AGAP1: variants seen among roughly 807,000 people sequenced by gnomAD.
AGAP1 encodes ArfGAP with GTPase domain, ankyrin repeat and PH domain 1.
In AGAP1, 29 loss-of-function variants were observed where a neutral mutation model predicts 105.3. The observed-to-expected ratio is 0.28, with a 90% CI of 0.21 to 0.38. The LOEUF is 0.38. Among genes scored for constraint, AGAP1 ranks in the 10% least tolerant of loss-of-function variants. AGAP1 has a pLI of 1.00. For synonymous variants in AGAP1, 509 were observed against 485.9 expected, an observed-to-expected ratio of 1.05 and a Z score of -0.63; for missense variants, 998 against 1,165.1, an observed-to-expected ratio of 0.86 and a Z score of 2.09.
At chr2:235,821,103 A>G (rs1030076243) in intron 9 of AGAP1, among the ~76,000 whole-genome samples, 5 of 152,366 alleles carry the variant, frequency 3.3e-5, no homozygotes, top group African/African-American at 7.2e-5. Context: ...CCTTTAGTGT[A>G]AAACAGTGTG....
In AGAP1 at chr2:235,833,856, T is replaced by TG. The variant is rs1553644570; in HGVS notation, c.1050+26525_1050+26526insG. ...ATCTCACTCCAATCCTCCAATCTGG[T>TG]TTTTTTTTTTTTTTTTTTAAAGCTC... On this transcript the variant is annotated intron_variant, in intron 9 of 17. Coordinates refer to ENST00000304032, the MANE Select transcript of AGAP1 (RefSeq NM_001037131.3). 2.3e-3 allele frequency among the ~76,000 whole-genome samples: 108 copies of TG among 47,416 alleles called. No homozygotes were observed. In the East Asian group the frequency reaches 0.14, roughly 61 times the overall value. The allele number at this position is 47,416 out of a possible 152,430, so 31.1% of individuals were successfully genotyped here.
At chr2:235,654,854 A>G (rs989977297) in intron 1 of AGAP1, among the ~76,000 whole-genome samples, 3 of 152,222 alleles carry the variant, frequency 2.0e-5, no homozygotes, top group African/African-American at 4.8e-5. Flanking sequence ...AATATTCAAA[A>G]TAATTTCTCC....
In AGAP1 at chr2:236,123,063, TGCATATGTCATGC is replaced by T. The variant is rs2059938316; in HGVS notation, c.2371-855_2371-843del. On this transcript the variant is annotated intron_variant, in intron 17 of 17. Coordinates refer to ENST00000304032, the MANE Select transcript of AGAP1 (RefSeq NM_001037131.3). This position sits in a 1 kb window ranked among gnomAD's most constrained non-coding sequence, Gnocchi z 4.6. ...TCATGTGGTGGAATACTGTATGACTTGCATATGTCATGCTTTTTGAGGGGTGGGGAGACAGGGT... is the reference window on the plus strand; with the variant it reads ...TCATGTGGTGGAATACTGTATGACTTTTTTTGAGGGGTGGGGAGACAGGGT... Among the ~76,000 whole-genome samples the T allele has an allele frequency of 6.6e-6, 1 of 151,830 alleles. No homozygotes were observed. Among genetic ancestry groups the T allele is most frequent in the Non-Finnish European group, 1.5e-5 (1 of 67,956 alleles).
At chr2:235,771,323 C>T (rs1955427746) in intron 6 of AGAP1, among the ~76,000 whole-genome samples, 1 of 152,214 alleles carries the variant, frequency 6.6e-6, no homozygotes, top group Non-Finnish European at 1.5e-5. Context: ...CCAGGCTGCG[C>T]CATAGGTGCA....
At chr2:236,033,510 C>G (rs55877034) in intron 13 of AGAP1, among the ~76,000 whole-genome samples, 1 of 152,260 alleles carries the variant, frequency 6.6e-6, no homozygotes, top group Non-Finnish European at 1.5e-5. Flanking sequence ...CAGATAGCAG[C>G]TACTGCGTTG....
chr2:235,636,389 C>T (rs1947003447), intron 1 of AGAP1, among the ~76,000 whole-genome samples: 1 of 152,156 alleles, frequency 6.6e-6, no homozygotes, highest in East Asian at 1.9e-4. Flanking sequence ...TTTGTGGGAT[C>T]ACTGAAGTCA....
rs2059337245 is a variant in AGAP1, at chr2:236,101,157, C to G, written c.2115-19035C>G. Reference sequence around the variant, plus strand: ...TGTTTCCCTTTGGTTATTCCCCACTCCCATGCCTGTCCTCTCTTAAAATCT... The same window carrying G: ...TGTTTCCCTTTGGTTATTCCCCACTGCCATGCCTGTCCTCTCTTAAAATCT... On this transcript the variant is annotated intron_variant, in intron 16 of 17. Coordinates refer to ENST00000304032, the MANE Select transcript of AGAP1 (RefSeq NM_001037131.3). This position sits in a 1 kb window ranked among gnomAD's most constrained non-coding sequence, Gnocchi z 4.9. 6.6e-6 allele frequency among the ~76,000 whole-genome samples: 1 copy of G among 152,122 alleles called. No homozygotes were observed. The highest frequency in any genetic ancestry group is 2.1e-4 in the South Asian group (1 of 4,824).
rs1159583364 is a variant in AGAP1 at position 235,958,347 on chromosome 2, A to G, written c.1484-10115A>G. 6.6e-6 allele frequency among the ~76,000 whole-genome samples: 1 copy of G among 152,118 alleles called. No homozygotes were observed. The highest frequency in any genetic ancestry group is 1.5e-5 in the Non-Finnish European group (1 of 68,014). On this transcript the variant is annotated intron_variant, in intron 12 of 17. Coordinates refer to ENST00000304032, the MANE Select transcript of AGAP1 (RefSeq NM_001037131.3). This position sits in a 1 kb window ranked among gnomAD's most constrained non-coding sequence, Gnocchi z 4.1. The stretch of plus-strand genomic sequence containing the variant: ...AGAGGATTAGGGCCCTGCTAACGGC[A>G]GCAGTAACAGCGGGAGTCCTTGCAG...
rs1011988977 is a variant in AGAP1, at chr2:235,566,732, A to G, written c.163+71883A>G. 1 of 508,900 alleles carries G rather than the reference A, an allele frequency of 2.0e-6. No homozygotes were observed. Among genetic ancestry groups the G allele is most frequent in the Non-Finnish European group, 2.5e-6 (1 of 394,552 alleles). The allele number at this position is 508,900 out of a possible 1,614,324, so 31.5% of individuals were successfully genotyped here. A position where few individuals can be genotyped will look rare whatever the true frequency, so the allele number is the denominator to read the frequency against. ...CAGGCAGGAAGTTGTTGGGGTTAAC[A>G]TGAGTGGACCCTAGATTTCCCTGCC... On this transcript the variant is annotated intron_variant, in intron 1 of 17. Transcript: ENST00000304032. This position sits in a 1 kb window ranked among gnomAD's most constrained non-coding sequence, Gnocchi z 5.2.
Position 236,120,286 on chromosome 2 carries a change from C to T in AGAP1, c.2209C>T (p.Leu737=). The change falls in exon 17 of 18, where the codon CTG becomes TTG. Residue 737 remains leucine (L), a synonymous_variant. Coordinates refer to ENST00000304032, the MANE Select transcript of AGAP1 (RefSeq NM_001037131.3). This position sits in a 1 kb window ranked among gnomAD's most constrained non-coding sequence, Gnocchi z 6.0. ...CTELSLGQHL[L]RATADEDLRT... is the part of the protein sequence containing the mutation. ...GGAGCTGTCCCTGGGCCAGCACCTG[C>T]TGCGGGCCACCGCCGACGAGGACCT... The T allele has an allele frequency of 6.2e-7, 1 of 1,612,946 alleles. No homozygotes were observed.
chr2:235,558,929 G>A (rs531670140), intron 1 of AGAP1, among the ~76,000 whole-genome samples: 1 of 152,032 alleles, frequency 6.6e-6, no homozygotes, highest in Non-Finnish European at 1.5e-5. Flanking sequence ...CGTCATTGAA[G>A]ATTTTTTTTT....
At chr2:235,703,522 C>T (rs989723586) in intron 1 of AGAP1, among the ~76,000 whole-genome samples, 1 of 151,888 alleles carries the variant, frequency 6.6e-6, no homozygotes, top group Non-Finnish European at 1.5e-5. Context: ...TTACAGAAGC[C>T]TTAGGAAAGA....
intron 11 of AGAP1, among the ~76,000 whole-genome samples, chr2:235,923,748 T>C (rs991012374): frequency 2.0e-5 from 3 of 152,206 alleles, no homozygotes; most frequent in African/African-American, 7.2e-5. Context: ...AGTGCCGTCA[T>C]TCCCAGCGTG....
At chr2:236,010,798 T>C (rs1219596408) in intron 13 of AGAP1, among the ~76,000 whole-genome samples, 2 of 152,208 alleles carry the variant, frequency 1.3e-5, no homozygotes, top group African/African-American at 4.8e-5. Context: ...CATTTTGTCT[T>C]AGAGTTTGGG....
rs1397370423 is a variant in AGAP1, at chr2:235,614,356, G to A, written c.164-94823G>A. 1.3e-5 allele frequency among the ~76,000 whole-genome samples: 2 copies of A among 152,130 alleles called. No homozygotes were observed. Among genetic ancestry groups the A allele is most frequent in the African/African-American group, 4.8e-5 (2 of 41,434 alleles). On this transcript the variant is annotated intron_variant, in intron 1 of 17. Coordinates refer to ENST00000304032, the MANE Select transcript of AGAP1 (RefSeq NM_001037131.3). The surrounding 1 kb of genome is among the most constrained non-coding windows in gnomAD (Gnocchi z 4.7). ...GCGAGTGGGAGTTTTCTAGGGAGCC[G>A]CTGCTCTTGCTTCAGGTCTCAGATG...
At chr2:235,539,153 AG>A (rs1230379207) in intron 1 of AGAP1, among the ~76,000 whole-genome samples, 1 of 152,220 alleles carries the variant, frequency 6.6e-6, no homozygotes, top group Non-Finnish European at 1.5e-5. Flanking sequence ...AGCCTCGCAG[AG>A]ATTGCTCTGC....
intron 5 of AGAP1, among the ~76,000 whole-genome samples, chr2:235,745,142 A>G (rs1049442176): frequency 2.0e-5 from 3 of 152,168 alleles, no homozygotes; most frequent in Non-Finnish European, 4.4e-5. Flanking sequence ...TATGTTTTGT[A>G]TATATATAGT....
intron 1 of AGAP1, among the ~76,000 whole-genome samples, chr2:235,514,565 T>G (rs1942301715): frequency 6.6e-6 from 1 of 152,274 alleles, no homozygotes; most frequent in African/African-American, 2.4e-5. Flanking sequence ...TTGGATCACC[T>G]GAGTCCTGCC....
intron 9 of AGAP1, among the ~76,000 whole-genome samples, chr2:235,812,887 G>A (rs938409407): frequency 5.9e-5 from 9 of 152,336 alleles, no homozygotes; most frequent in East Asian, 3.9e-4. Context: ...GTAGGGGCCC[G>A]TTTTGCTCCC....
Sources: gnomAD v4.1 joint callset for allele counts (sites outside exome capture counted in the v4.1 genomes callset) on GRCh38, gnomAD v4.1.1 for gene constraint, Gnocchi (gnomAD v3.1) non-coding constraint, MANE v1.5 for transcripts, NCBI Gene and HGNC (gene_info 2026-07-23, HGNC 2026-07-21) for gene names.